UBE3D: variants seen among roughly 807,000 people sequenced by gnomAD.
UBE3D encodes ubiquitin protein ligase E3D.
A neutral mutation model predicts 49.6 loss-of-function variants in UBE3D; 48 were observed. The observed-to-expected ratio is 0.97, with a 90% CI of 0.77 to 1.23. The LOEUF (loss-of-function observed/expected upper bound fraction) is 1.23, where lower values mean the gene tolerates loss of function less well. Among genes scored for constraint, UBE3D ranks in the 50% most tolerant of loss-of-function variants. The probability of loss-of-function intolerance (pLI) is 0.00; values close to 1 mark genes in which losing one functional copy is unlikely to be tolerated. For missense variants in UBE3D, 452 were observed against 468.4 expected (o/e 0.96, Z 0.32); for synonymous variants, 189 against 174.2 (o/e 1.08, Z -0.67).
intron 8 of UBE3D, among the ~76,000 whole-genome samples, chr6:82,987,569 G>A (rs1481578160): frequency 6.6e-6 from 1 of 152,116 alleles, no homozygotes; most frequent in Non-Finnish European, 1.5e-5. Flanking sequence ...ACATCGAATT[G>A]GCAAAATTAG....
downstream of UBE3D, among the ~76,000 whole-genome samples, chr6:82,892,044 G>A (rs1006996239): frequency 6.6e-6 from 1 of 152,266 alleles, no homozygotes; most frequent in East Asian, 1.9e-4. Context: ...AAAATTTGCG[G>A]ATAGAAAACT....
chr6:82,966,400 C>G lies in UBE3D; in HGVS notation c.1011-8950G>C, dbSNP rs1776924668. Among the ~76,000 whole-genome samples, 2 of 72,030 alleles carry G rather than the reference C, an allele frequency of 2.8e-5. 1 individual carries two copies. Among genetic ancestry groups the G allele is most frequent in the African/African-American group, 1.6e-4 (2 of 12,808 alleles). 47.3% of individuals were successfully genotyped at this position (72,030 alleles called of 152,430 possible). On this transcript the variant is annotated intron_variant, in intron 8 of 9. Transcript: ENST00000369747. ...GCGCGGTGGCTCACGCCTGTAATCCCAGCACTTTGGGAGGCCGAGGCGGGC... is the reference window on the plus strand; with the variant it reads ...GCGCGGTGGCTCACGCCTGTAATCCGAGCACTTTGGGAGGCCGAGGCGGGC...
At chr6:82,930,891 G>T (rs1260255063) in intron 9 of UBE3D, among the ~76,000 whole-genome samples, 2 of 152,210 alleles carry the variant, frequency 1.3e-5, no homozygotes, top group African/African-American at 2.4e-5. Flanking sequence ...ACAAGGAGAT[G>T]AATATTAATC....
At position 83,005,741 on chromosome 6, in the gene UBE3D, T is replaced by C. The variant is rs141568864; in HGVS notation, c.1010+13232A>G. On this transcript the variant is annotated intron_variant, in intron 8 of 9. Transcript: ENST00000369747. Reference sequence around the variant, plus strand: ...CCAAGAGGTAGAAGCAACCGAAATGTCCACTGACAGACGAAAAGATAAACA... The same window carrying C: ...CCAAGAGGTAGAAGCAACCGAAATGCCCACTGACAGACGAAAAGATAAACA... Among the ~76,000 whole-genome samples the C allele has an allele frequency of 4.2e-3, 637 of 152,010 alleles. 7 individuals carry two copies. Among genetic ancestry groups the C allele is most frequent in the African/African-American group, 0.015 (611 of 41,438 alleles).
intron 5 of UBE3D, among the ~76,000 whole-genome samples, chr6:83,032,549 C>T (rs1781954521): frequency 6.6e-6 from 1 of 152,132 alleles, no homozygotes; most frequent in Admixed American, 6.6e-5. Flanking sequence ...AGACTTTGGA[C>T]TTGAACTTTT....
intron 9 of UBE3D, among the ~76,000 whole-genome samples, chr6:82,910,199 A>G (rs1051577155): frequency 1.3e-5 from 2 of 152,158 alleles, no homozygotes; most frequent in East Asian, 1.9e-4. Flanking sequence ...AGATTTCCCA[A>G]TAAAACCCTT....
chr6:82,974,046 T>C (rs1271815302), intron 8 of UBE3D, among the ~76,000 whole-genome samples: 1 of 152,060 alleles, frequency 6.6e-6, no homozygotes, highest in African/African-American at 2.4e-5. Context: ...TTATGGTGAG[T>C]TGTATAATTA....
At chr6:83,039,738 G>A (rs1007512084) in intron 4 of UBE3D, among the ~76,000 whole-genome samples, 20 of 152,102 alleles carry the variant, frequency 1.3e-4, no homozygotes, top group South Asian at 4.2e-4. Flanking sequence ...TCCGCCTCCC[G>A]GGTTTAAGCA....
intron 8 of UBE3D, among the ~76,000 whole-genome samples, chr6:82,980,108 C>A (rs1778011858): frequency 6.6e-6 from 1 of 152,044 alleles, no homozygotes; most frequent in African/African-American, 2.4e-5. Flanking sequence ...TAGGTAAATA[C>A]CCAGTAGTGG....
intron 8 of UBE3D, among the ~76,000 whole-genome samples, chr6:82,974,333 A>G (rs933941163): frequency 1.3e-5 from 2 of 152,090 alleles, no homozygotes; most frequent in African/African-American, 4.8e-5. Flanking sequence ...ATCCCTACGT[A>G]TCCATAGGGG....
At chr6:83,044,882 A>G (rs537917402) in intron 3 of UBE3D, among the ~76,000 whole-genome samples, 18 of 152,270 alleles carry the variant, frequency 1.2e-4, no homozygotes, top group Non-Finnish European at 2.5e-4. Flanking sequence ...CCCAGAGATA[A>G]GTAACTAAAC....
chr6:83,051,499 A>T (rs558353096), intron 3 of UBE3D, among the ~76,000 whole-genome samples: 1 of 152,362 alleles, frequency 6.6e-6, no homozygotes, highest in African/African-American at 2.4e-5. Flanking sequence ...CTTTACTGTA[A>T]GCAGAACCCG....
At chr6:82,887,506 C>T (rs867341730), downstream of UBE3D, among the ~76,000 whole-genome samples, 22 of 149,266 alleles carry the variant, frequency 1.5e-4, no homozygotes, top group African/African-American at 5.2e-4. Context: ...GTCAGGCGCT[C>T]GAGACCAGTC....
At position 83,012,298 on chromosome 6, in the gene UBE3D, C is replaced by T. The variant is rs574747421; in HGVS notation, c.1010+6675G>A. ...CTGCCCTTTCCATGATGGAAGAGGT[C>T]CAATATAATCAACCTGACACCAAAC... On this transcript the variant is annotated intron_variant, in intron 8 of 9. Transcript: ENST00000369747. Among the ~76,000 whole-genome samples the T allele has an allele frequency of 1.2e-4, 19 of 152,286 alleles. No homozygotes were observed. In the South Asian group the frequency reaches 2.7e-3, roughly 22 times the overall value.
At position 82,969,831 on chromosome 6, in the gene UBE3D, A is replaced by G. The variant is rs912608104; in HGVS notation, c.1011-12381T>C. Among the ~76,000 whole-genome samples the G allele has an allele frequency of 2.6e-5, 4 of 152,164 alleles. No homozygotes were observed. The South Asian group carries it at 8.3e-4, about 32-fold the overall frequency. The stretch of plus-strand genomic sequence containing the variant: ...GTTTTCATCAGAACTGGATAAAATA[A>G]TATTACTTGCAAGAATAAATGTTTG... On this transcript the variant is annotated intron_variant, in intron 8 of 9. Transcript: ENST00000369747.
intron 9 of UBE3D, among the ~76,000 whole-genome samples, chr6:82,896,931 G>A (rs558135112): frequency 6.6e-6 from 1 of 151,818 alleles, no homozygotes; most frequent in South Asian, 2.1e-4. Context: ...AGTAGAGATG[G>A]GGTTTCACCA....
At chr6:82,899,767 T>C (rs1225254227) in intron 9 of UBE3D, among the ~76,000 whole-genome samples, 2 of 152,238 alleles carry the variant, frequency 1.3e-5, no homozygotes, top group East Asian at 1.9e-4. Context: ...CGGACAGCAT[T>C]GTTGGCATTG....
intron 3 of UBE3D, among the ~76,000 whole-genome samples, chr6:83,050,305 G>A (rs1433424863): frequency 6.7e-6 from 1 of 150,242 alleles, no homozygotes; most frequent in Non-Finnish European, 1.5e-5. Context: ...GAATCACAAA[G>A]TACATGAAAC....
At chr6:82,999,053 C>A (rs1405832081) in intron 8 of UBE3D, among the ~76,000 whole-genome samples, 1 of 152,182 alleles carries the variant, frequency 6.6e-6, no homozygotes, top group African/African-American at 2.4e-5. Context: ...TTTAAATCTT[C>A]TCCATTCTCC....
Sources: gnomAD v4.1 joint callset for allele counts (sites outside exome capture counted in the v4.1 genomes callset) on GRCh38, gnomAD v4.1.1 for gene constraint, MANE v1.5 for transcripts, NCBI Gene and HGNC (gene_info 2026-07-23, HGNC 2026-07-21) for gene names.